Variants in TSPAN18 observed in about 807,000 individuals in gnomAD.
The protein encoded by TSPAN18 is tetraspanin-18.
In TSPAN18, 14 loss-of-function variants were observed where a neutral mutation model predicts 27.3. The observed-to-expected ratio is 0.51, with a 90% CI of 0.34 to 0.80. The LOEUF (loss-of-function observed/expected upper bound fraction) is 0.80. Among genes scored for constraint, TSPAN18 ranks in the 30% least tolerant of loss-of-function variants. The probability of loss-of-function intolerance (pLI) is 0.01; values close to 1 mark genes in which losing one functional copy is unlikely to be tolerated. For missense variants in TSPAN18, 268 were observed against 323.9 expected (o/e 0.83, Z 1.32); for synonymous variants, 143 against 136.5 (o/e 1.05, Z -0.33).
At position 44,894,472 on chromosome 11, in the gene TSPAN18, G is replaced by A. The variant is rs80296037; in HGVS notation, c.-10-11935G>A. Among the ~76,000 whole-genome samples the A allele has an allele frequency of 1.3e-4, 20 of 152,236 alleles. No homozygotes were observed. The East Asian group carries it at 2.5e-3, about 19-fold the overall frequency. ...CTCTCTAGAAAGCATGCCTGGGGGC[G>A]GGGGGGAGTGAAAGTAAAAGGAGTG... On this transcript the variant is annotated intron_variant, in intron 3 of 9. Coordinates refer to ENST00000520358, the MANE Select transcript of TSPAN18 (RefSeq NM_130783.5).
At chr11:44,810,593 C>A in intron 2 of TSPAN18, among the ~76,000 whole-genome samples, 1 of 148,632 alleles carries the variant, frequency 6.7e-6, no homozygotes, top group African/African-American at 2.5e-5. Context: ...CACCTGTTTT[C>A]AATTTTTTTT....
At chr11:44,850,988 A>G (rs905682903) in intron 2 of TSPAN18, among the ~76,000 whole-genome samples, 1 of 152,230 alleles carries the variant, frequency 6.6e-6, no homozygotes, top group Non-Finnish European at 1.5e-5. Context: ...CAGAGAGGGC[A>G]CTTGATCTGC....
At chr11:44,812,199 C>G (rs982131229) in intron 2 of TSPAN18, among the ~76,000 whole-genome samples, 1 of 152,118 alleles carries the variant, frequency 6.6e-6, no homozygotes, top group African/African-American at 2.4e-5. Flanking sequence ...GGCCTGGGTT[C>G]CAAACCCAGC....
chr11:44,730,261 G>A (rs1010104907), intron 1 of TSPAN18, among the ~76,000 whole-genome samples: 33 of 152,350 alleles, frequency 2.2e-4, no homozygotes, highest in African/African-American at 7.7e-4. Context: ...CCTGCTGGGA[G>A]CCCCATGTTA....
chr11:44,929,064 T>C, intron 9 of TSPAN18, 67 bp from the exon 10 acceptor site: 1 of 1,597,606 alleles, frequency 6.3e-7, no homozygotes, highest in Non-Finnish European at 8.6e-7. Flanking sequence ...TCCCCTGGAG[T>C]GGGCCAGGCA....
chr11:44,766,570 C>T (rs1343834006), intron 2 of TSPAN18, among the ~76,000 whole-genome samples: 2 of 152,258 alleles, frequency 1.3e-5, no homozygotes, highest in East Asian at 1.9e-4. Context: ...CCTCAAGCCT[C>T]GGTGTATAAG....
rs1205515685 is a variant in TSPAN18, at chr11:44,930,597, AC to A, written c.*1422del. On this transcript the variant is annotated 3_prime_UTR_variant, in exon 10 of 10. Transcript: ENST00000520358. ...TGGGCAGGGAGACTCGCAGATGCACACCCACAAGTATTCAGTTCTCAAACTC... is the reference window on the plus strand; with the variant it reads ...TGGGCAGGGAGACTCGCAGATGCACACCACAAGTATTCAGTTCTCAAACTC... 6.5e-6 allele frequency: 2 copies of A among 309,402 alleles called. No individual in the cohort carries two copies. The highest frequency in any genetic ancestry group is 1.8e-4 in the East Asian group (2 of 11,060). 19.2% of individuals were successfully genotyped at this position (309,402 alleles called of 1,614,324 possible). A position where few individuals can be genotyped will look rare whatever the true frequency, so the allele number is the denominator to read the frequency against.
Position 44,741,447 on chromosome 11 carries a change from A to ATGTGTGTG in TSPAN18, c.-240+14182_-240+14189dup, listed in dbSNP as rs58865710. 1.3e-3 allele frequency among the ~76,000 whole-genome samples: 187 copies of ATGTGTGTG among 147,474 alleles called. 1 individual carries two copies. The highest frequency in any genetic ancestry group is 4.3e-3 in the African/African-American group (175 of 40,334). On this transcript the variant is annotated intron_variant, in intron 1 of 9. Coordinates refer to ENST00000520358, the MANE Select transcript of TSPAN18 (RefSeq NM_130783.5). ...CTATTCAAACCTGTCTCAGACATGTATGTGTGTGTGTGTGTGTGTGTGTGT... is the reference window on the plus strand; with the variant it reads ...CTATTCAAACCTGTCTCAGACATGTATGTGTGTGTGTGTGTGTGTGTGTGTGTGTGTGT...
At chr11:44,926,876 A>G in intron 9 of TSPAN18, 119 bp downstream of exon 9, 3 of 1,046,068 alleles carry the variant, frequency 2.9e-6, no homozygotes, top group Non-Finnish European at 4.3e-6. Flanking sequence ...AGGGGCCCCC[A>G]CTGTGGGTGC....
intron 3 of TSPAN18, among the ~76,000 whole-genome samples, chr11:44,905,441 C>T (rs963590249): frequency 6.6e-6 from 1 of 152,310 alleles, no homozygotes; most frequent in Non-Finnish European, 1.5e-5. Flanking sequence ...TCGGACATGT[C>T]GTTTTCATTC....
intron 2 of TSPAN18, among the ~76,000 whole-genome samples, chr11:44,808,291 A>G (rs1856643533): frequency 6.6e-6 from 1 of 152,200 alleles, no homozygotes; most frequent in African/African-American, 2.4e-5. Context: ...AACCTCTACC[A>G]TCTTCCTCCA....
At chr11:44,780,216 G>T (rs1007237835) in intron 2 of TSPAN18, among the ~76,000 whole-genome samples, 3 of 151,856 alleles carry the variant, frequency 2.0e-5, no homozygotes, top group Non-Finnish European at 2.9e-5. Flanking sequence ...ACACACACAT[G>T]CACACACACG....
intron 2 of TSPAN18, among the ~76,000 whole-genome samples, chr11:44,795,733 C>A (rs1268415033): frequency 1.3e-5 from 2 of 152,002 alleles, no homozygotes; most frequent in Non-Finnish European, 2.9e-5. Context: ...TTCACCAGAC[C>A]CCGCTGGAGT....
chr11:44,847,843 T>A lies in TSPAN18; in HGVS notation c.-152-12485T>A, dbSNP rs117170289. 6.8e-3 allele frequency among the ~76,000 whole-genome samples: 1,032 copies of A among 152,184 alleles called. 5 individuals carry two copies. Among genetic ancestry groups the A allele is most frequent in the Middle Eastern group, 0.037 (11 of 294 alleles). ...GCTCAAAGTAACTTTTGTTGCTTTTTTTTTTTTCCCAATGGAGTTTCACTG... is the reference window on the plus strand; with the variant it reads ...GCTCAAAGTAACTTTTGTTGCTTTTATTTTTTTCCCAATGGAGTTTCACTG... On this transcript the variant is annotated intron_variant, in intron 2 of 9. Transcript: ENST00000520358.
chr11:44,851,035 C>T (rs1857587535), intron 2 of TSPAN18, among the ~76,000 whole-genome samples: 1 of 152,210 alleles, frequency 6.6e-6, no homozygotes. Context: ...AGGGCTGTGG[C>T]TAGAACAACG....
chr11:44,850,283 T>C (rs995279474), intron 2 of TSPAN18, among the ~76,000 whole-genome samples: 1 of 152,154 alleles, frequency 6.6e-6, no homozygotes, highest in African/African-American at 2.4e-5. Flanking sequence ...ACATTTCAGG[T>C]GGGGTTAGAA....
intron 3 of TSPAN18, among the ~76,000 whole-genome samples, chr11:44,865,428 C>T (rs1156644736): frequency 1.3e-5 from 2 of 152,166 alleles, no homozygotes; most frequent in South Asian, 4.2e-4. Flanking sequence ...AATGAACACC[C>T]TTAAGCTATT....
chr11:44,818,530 T>C (rs1856859676), intron 2 of TSPAN18, among the ~76,000 whole-genome samples: 1 of 152,142 alleles, frequency 6.6e-6, no homozygotes, highest in African/African-American at 2.4e-5. Context: ...CCTGCATTTG[T>C]CTGAGACCTG....
chr11:44,854,366 C>T (rs1590584472), intron 2 of TSPAN18, among the ~76,000 whole-genome samples: 1 of 152,290 alleles, frequency 6.6e-6, no homozygotes, highest in African/African-American at 2.4e-5. Context: ...CCTGCAGTCC[C>T]TCTCAGAACA....
Sources: gnomAD v4.1 joint callset for allele counts (sites outside exome capture counted in the v4.1 genomes callset) on GRCh38, gnomAD v4.1.1 for gene constraint, MANE v1.5 for transcripts, NCBI Gene and HGNC (gene_info 2026-07-23, HGNC 2026-07-21) for gene names.